The following FRMD3 variants were observed in gnomAD, a reference collection of about 807,000 sequenced individuals.
FRMD3 encodes FERM domain containing 3.
A neutral mutation model predicts 70.2 loss-of-function variants in FRMD3; 33 were observed. That is an observed-to-expected ratio of 0.47 (90% CI 0.36 to 0.63). The LOEUF (loss-of-function observed/expected upper bound fraction) is 0.63. Ranked by LOEUF, FRMD3 falls within the 20% of genes least tolerant of loss-of-function variation. FRMD3 has a pLI of 0.00. For synonymous variants in FRMD3, 279 were observed against 255.9 expected, an observed-to-expected ratio of 1.09 and a Z score of -0.86; for missense variants, 632 against 711.4, an observed-to-expected ratio of 0.89 and a Z score of 1.27.
intron 1 of FRMD3, among the ~76,000 whole-genome samples, chr9:83,479,056 AC>A: frequency 6.6e-6 from 1 of 152,126 alleles, no homozygotes; most frequent in Admixed American, 6.5e-5. Flanking sequence ...TATATAAAAA[AC>A]TATACATCAA....
chr9:83,509,787 GCACACACA>G (rs34264142), intron 1 of FRMD3, among the ~76,000 whole-genome samples: 105 of 149,490 alleles, frequency 7.0e-4, no homozygotes, highest in African/African-American at 2.4e-3. Flanking sequence ...ACACGCGCGC[GCACACACA>G]CACACACACA....
intron 1 of FRMD3, among the ~76,000 whole-genome samples, chr9:83,522,615 G>A (rs995765195): frequency 4.7e-5 from 7 of 147,774 alleles, no homozygotes; most frequent in Admixed American, 2.0e-4. Context: ...CTAGGCTGGA[G>A]TGCAGTGTAG....
At chr9:83,314,576 C>G (rs1047276421) in intron 6 of FRMD3, among the ~76,000 whole-genome samples, 5 of 152,024 alleles carry the variant, frequency 3.3e-5, no homozygotes, top group Admixed American at 1.3e-4. Flanking sequence ...ATTGTCCCCC[C>G]ACCCCCTCAA....
At chr9:83,486,918 T>G (rs1419298120) in intron 1 of FRMD3, among the ~76,000 whole-genome samples, 1 of 152,142 alleles carries the variant, frequency 6.6e-6, no homozygotes, top group Non-Finnish European at 1.5e-5. Context: ...ACATGAAAAA[T>G]TAAACTCCTG....
chr9:83,246,186 TAG>T lies in FRMD3; in HGVS notation c.*1730_*1731del. The T allele has an allele frequency of 1.0e-6, 1 of 985,166 alleles. No homozygotes were observed. Among genetic ancestry groups the T allele is most frequent in the Non-Finnish European group, 1.2e-6 (1 of 829,780 alleles). 61.0% of individuals were successfully genotyped at this position (985,166 alleles called of 1,614,324 possible). A position where few individuals can be genotyped will look rare whatever the true frequency, so the allele number is the denominator to read the frequency against. On this transcript the variant is annotated 3_prime_UTR_variant, in exon 14 of 14. Transcript: ENST00000304195. Reference sequence around the variant, plus strand: ...ATGATAGGGTTGGAATGTCATTAGCTAGAGAGAGCGATTCCAAGTGGGCCCTG... The same window carrying T: ...ATGATAGGGTTGGAATGTCATTAGCTAGAGAGCGATTCCAAGTGGGCCCTG...
intron 3 of FRMD3, 45 bp from the exon 4 acceptor site, chr9:83,349,802 C>T: frequency 6.8e-7 from 1 of 1,461,820 alleles, no homozygotes; most frequent in Non-Finnish European, 9.5e-7. Flanking sequence ...AGCAAAAGAC[C>T]ATGGCCTCAA....
At chr9:83,500,244 T>C (rs769249610) in intron 1 of FRMD3, among the ~76,000 whole-genome samples, 4 of 152,102 alleles carry the variant, frequency 2.6e-5, no homozygotes, top group Non-Finnish European at 4.4e-5. Flanking sequence ...CTATGAACTT[T>C]AGTTAATAAT....
At chr9:83,395,981 T>G (rs1825801282) in intron 1 of FRMD3, among the ~76,000 whole-genome samples, 1 of 152,230 alleles carries the variant, frequency 6.6e-6, no homozygotes, top group Non-Finnish European at 1.5e-5. Context: ...CATTTAACAC[T>G]TACTGTATAT....
intron 1 of FRMD3, among the ~76,000 whole-genome samples, chr9:83,466,109 A>G (rs1484393912): frequency 1.3e-5 from 2 of 152,198 alleles, no homozygotes; most frequent in Non-Finnish European, 2.9e-5. Flanking sequence ...CAAGGGGAGA[A>G]CAAAAAGGAA....
chr9:83,568,680 T>C, the FRMD3 span, among the ~76,000 whole-genome samples: 1 of 151,622 alleles, frequency 6.6e-6, no homozygotes, highest in Non-Finnish European at 1.5e-5. Flanking sequence ...TCAAAAGGTA[T>C]AAAGTTTCAG....
At chr9:83,574,666 G>A in the FRMD3 span, among the ~76,000 whole-genome samples, 2 of 152,150 alleles carry the variant, frequency 1.3e-5, no homozygotes, top group Non-Finnish European at 2.9e-5. Flanking sequence ...AGAATGTGGG[G>A]TAGGTTAGCA....
intron 10 of FRMD3, among the ~76,000 whole-genome samples, chr9:83,305,773 C>T (rs1018862399): frequency 5.9e-5 from 9 of 152,190 alleles, no homozygotes; most frequent in Non-Finnish European, 1.3e-4. Flanking sequence ...GTTTAGAAGT[C>T]GAATGAGATG....
At chr9:83,528,840 G>T (rs1412646292) in intron 1 of FRMD3, among the ~76,000 whole-genome samples, 2 of 152,018 alleles carry the variant, frequency 1.3e-5, no homozygotes. Context: ...TCTTCAGCAT[G>T]TTGGCCTCAA....
chr9:83,566,092 C>T, the FRMD3 span, among the ~76,000 whole-genome samples: 1 of 152,144 alleles, frequency 6.6e-6, no homozygotes, highest in South Asian at 2.1e-4. Flanking sequence ...TAGAGACATA[C>T]CCGAGACTGA....
the FRMD3 span, among the ~76,000 whole-genome samples, chr9:83,567,426 G>A: frequency 6.6e-6 from 1 of 152,192 alleles, no homozygotes; most frequent in Non-Finnish European, 1.5e-5. Flanking sequence ...CATGGTCTTG[G>A]GGATTAACAT....
At chr9:83,337,617 A>C (rs1171911831) in intron 5 of FRMD3, among the ~76,000 whole-genome samples, 1 of 152,250 alleles carries the variant, frequency 6.6e-6, no homozygotes, top group East Asian at 1.9e-4. Context: ...AAATTGTATT[A>C]GAAGAACCTG....
chr9:83,277,843 T>G (rs899185020), intron 13 of FRMD3, among the ~76,000 whole-genome samples: 3 of 152,248 alleles, frequency 2.0e-5, no homozygotes, highest in African/African-American at 7.2e-5. Context: ...CAGCAAATAT[T>G]AGTTTAGCTC....
rs536956149 is a variant in FRMD3, at chr9:83,438,697, G to A, written c.148-48989C>T. Reference sequence around the variant, plus strand: ...TTACAGGCGTGAGCCACCGCATCCAGCAAAGAGAATATTTTCTCCACACAG... The same window carrying A: ...TTACAGGCGTGAGCCACCGCATCCAACAAAGAGAATATTTTCTCCACACAG... On this transcript the variant is annotated intron_variant, in intron 1 of 13. Coordinates refer to ENST00000304195, the MANE Select transcript of FRMD3 (RefSeq NM_174938.6). Among the ~76,000 whole-genome samples, 563 of 152,358 alleles carry A rather than the reference G, an allele frequency of 3.7e-3. 4 individuals are homozygous for A. The highest frequency in any genetic ancestry group is 4.7e-3 in the Non-Finnish European group (321 of 68,032).
At chr9:83,521,830 C>T (rs1829577999) in intron 1 of FRMD3, among the ~76,000 whole-genome samples, 1 of 152,232 alleles carries the variant, frequency 6.6e-6, no homozygotes, top group Non-Finnish European at 1.5e-5. Context: ...TTCCTCTATG[C>T]TCAACCTTTG....
Sources: allele counts gnomAD v4.1 joint callset (sites outside exome capture counted in the v4.1 genomes callset), GRCh38; gene constraint gnomAD v4.1.1; transcripts MANE v1.5; gene names NCBI Gene and HGNC (gene_info 2026-07-23, HGNC 2026-07-21).